The following TUBGCP3 variants were observed in gnomAD, a reference collection of about 807,000 sequenced individuals.
TUBGCP3 encodes tubulin gamma complex component 3.
TUBGCP3 carries 50 observed loss-of-function variants against 123.1 expected under a neutral mutation model. The observed-to-expected ratio is 0.41, with a 90% confidence interval of 0.32 to 0.51. The LOEUF (loss-of-function observed/expected upper bound fraction) is 0.51, where lower values mean the gene tolerates loss of function less well. Ranked by LOEUF, TUBGCP3 falls within the 20% of genes least tolerant of loss-of-function variation. TUBGCP3 has a pLI of 0.36. For synonymous variants in TUBGCP3, 405 were observed against 413.9 expected, an observed-to-expected ratio of 0.98 and a Z score of 0.26; for missense variants, 882 against 1,127.0, an observed-to-expected ratio of 0.78 and a Z score of 3.11.
chr13:112,516,545 G>A lies in TUBGCP3; in HGVS notation c.1981C>T (p.Leu661=). 1 of 1,614,142 alleles carries A rather than the reference G, an allele frequency of 6.2e-7. No individual in the cohort carries two copies. The highest frequency in any genetic ancestry group is 8.5e-7 in the Non-Finnish European group (1 of 1,180,012). Residue 661 remains leucine, a synonymous_variant, in exon 17 of 22, where the codon CTA becomes TTA. Coordinates refer to ENST00000261965, the MANE Select transcript of TUBGCP3 (RefSeq NM_006322.6). ...VFTRECMSHY[L]RVFNFLWRAK... ...CTCCAGAGGAAGTTAAATACTCTTA[G>A]GTAGTGGCTCATACATTCTCGAGTA... is the stretch of plus-strand genomic sequence containing the variant.
intron 20 of TUBGCP3, among the ~76,000 whole-genome samples, chr13:112,494,113 T>C (rs1201301147): frequency 3.4e-5 from 4 of 116,040 alleles, no homozygotes; most frequent in Admixed American, 8.4e-5. Flanking sequence ...CACTCTAGCT[T>C]TGGGAACAGG....
the TUBGCP3 span, among the ~76,000 whole-genome samples, chr13:112,597,852 C>T: frequency 1.3e-4 from 19 of 151,932 alleles, no homozygotes; most frequent in African/African-American, 2.9e-4. Flanking sequence ...AATTGGAATC[C>T]AGAAGGAGGG....
At chr13:112,594,959 A>T in the TUBGCP3 span, among the ~76,000 whole-genome samples, 8 of 152,226 alleles carry the variant, frequency 5.3e-5, no homozygotes, top group Non-Finnish European at 1.2e-4. Flanking sequence ...GGTTTGTTTG[A>T]TAGTCAGAAG....
intron 11 of TUBGCP3, among the ~76,000 whole-genome samples, chr13:112,530,403 A>T (rs185060171): frequency 6.6e-6 from 1 of 152,380 alleles, no homozygotes; most frequent in East Asian, 1.9e-4. Flanking sequence ...TCTGATGAAA[A>T]GTATAGTTCT....
intron 11 of TUBGCP3, among the ~76,000 whole-genome samples, chr13:112,534,269 G>C (rs546066952): frequency 4.6e-5 from 7 of 152,306 alleles, no homozygotes; most frequent in Admixed American, 2.0e-4. Flanking sequence ...TACTGCGGCC[G>C]GGCGCGGCGG....
chr13:112,519,988 A>C lies in TUBGCP3; in HGVS notation c.1779T>G (p.Tyr593Ter). 6.2e-7 allele frequency: 1 copy of C among 1,614,046 alleles called. No homozygotes were observed. Among genetic ancestry groups the C allele is most frequent in the Non-Finnish European group, 8.5e-7 (1 of 1,179,874 alleles). ...CTAGAATTCCAGTCAAGTTATGCTG[A>C]TACAAAGTCGTAGCTGGACGGACAA... ...PELVRPATTL[Y>*]QHNLTGILET... The change falls in exon 15 of 22, where the codon TAT becomes TAG. Residue 593 changes from tyrosine (Y) to a stop codon, truncating the protein, a stop_gained. Coordinates refer to ENST00000261965, the MANE Select transcript of TUBGCP3 (RefSeq NM_006322.6). LOFTEE classifies it high-confidence loss of function. The surrounding 1 kb of genome is among the most constrained non-coding windows in gnomAD (Gnocchi z 6.2).
intron 1 of TUBGCP3, among the ~76,000 whole-genome samples, chr13:112,583,442 G>A (rs1023462857): frequency 6.6e-6 from 1 of 152,206 alleles, no homozygotes; most frequent in Non-Finnish European, 1.5e-5. Flanking sequence ...GGAACTAGAG[G>A]AGATACAAAG....
At chr13:112,601,559 G>T in the TUBGCP3 span, among the ~76,000 whole-genome samples, 1 of 152,124 alleles carries the variant, frequency 6.6e-6, no homozygotes, top group Non-Finnish European at 1.5e-5. Flanking sequence ...CGCCCAGGTG[G>T]CCTGTGACAT....
At chr13:112,528,868 T>C (rs1198891332) in intron 11 of TUBGCP3, among the ~76,000 whole-genome samples, 1 of 152,182 alleles carries the variant, frequency 6.6e-6, no homozygotes, top group African/African-American at 2.4e-5. Flanking sequence ...TTTTTTCTTT[T>C]TGAGACAGGG....
intron 16 of TUBGCP3, among the ~76,000 whole-genome samples, chr13:112,517,549 G>A (rs544254765): frequency 5.9e-5 from 9 of 152,212 alleles, no homozygotes; most frequent in South Asian, 2.1e-4. Context: ...AAAATAATAC[G>A]TAATGTATGC....
chr13:112,559,324 T>G lies in TUBGCP3; in HGVS notation c.328A>C (p.Lys110Gln). 7 of 1,611,590 alleles carry G rather than the reference T, an allele frequency of 4.3e-6. No individual in the cohort carries two copies. The highest frequency in any genetic ancestry group is 5.9e-6 in the Non-Finnish European group (7 of 1,178,802). Residue 110 changes from lysine (K) to glutamine (Q), a missense_variant and splice_region_variant, in exon 4 of 22, where the codon AAG becomes CAG. Lys to Gln is a moderately conservative substitution (Grantham distance 53). This residue lies in a region of TUBGCP3 where 713 missense variants were observed against 874.0 expected (regional missense o/e 0.82). Transcript: ENST00000261965. ...LSEDPRRQPS[K>Q]VSSYATLFAQ... is the part of the protein sequence containing the mutation. ...GCTGCAAAGGCAAAGCCACTTACCT[T>G]GCTTGGCTGCCTGCGTGGGTCCTCA...
At chr13:112,515,782 G>A (rs1033427506) in intron 17 of TUBGCP3, among the ~76,000 whole-genome samples, 2 of 152,204 alleles carry the variant, frequency 1.3e-5, no homozygotes, top group Admixed American at 6.5e-5. Flanking sequence ...TTCGGCAGGG[G>A]TCACTATTCT....
chr13:112,533,045 G>A (rs1016422172), intron 11 of TUBGCP3, among the ~76,000 whole-genome samples: 3 of 152,184 alleles, frequency 2.0e-5, no homozygotes, highest in African/African-American at 4.8e-5. Context: ...TGGGCAGAGA[G>A]GCAGTGCAGT....
At chr13:112,548,320 T>G (rs866476010) in intron 8 of TUBGCP3, 144 bp from the exon 9 acceptor site, 1 of 476,418 alleles carries the variant, frequency 2.1e-6, no homozygotes, top group African/African-American at 1.9e-5. Flanking sequence ...AATCTTCTAA[T>G]CATCTTAATC....
intron 8 of TUBGCP3, among the ~76,000 whole-genome samples, chr13:112,551,650 G>A (rs938093280): frequency 1.3e-5 from 2 of 152,168 alleles, no homozygotes; most frequent in African/African-American, 2.4e-5. Context: ...CTACTAGTCA[G>A]GGCAACTTGG....
chr13:112,562,326 G>C (rs1880583392), intron 3 of TUBGCP3, among the ~76,000 whole-genome samples: 2 of 152,158 alleles, frequency 1.3e-5, no homozygotes, highest in Admixed American at 6.5e-5. Flanking sequence ...GGCCACTAGG[G>C]GAACACCACC....
In TUBGCP3 at chr13:112,545,631, A is replaced by G. The variant is rs1878924103; in HGVS notation, c.1335+68T>C. 5.1e-6 allele frequency: 8 copies of G among 1,566,840 alleles called. No homozygotes were observed. The highest frequency in any genetic ancestry group is 7.0e-6 in the Non-Finnish European group (8 of 1,141,688). On this transcript the variant is annotated intron_variant, in intron 11 of 21. Coordinates refer to ENST00000261965, the MANE Select transcript of TUBGCP3 (RefSeq NM_006322.6). This position sits in a 1 kb window ranked among gnomAD's most constrained non-coding sequence, Gnocchi z 4.1. ...GAACATGGTAATCATGAGGGGAAAA[A>G]TGAAACAGCATAACTGCGTGCCCAT...
At chr13:112,487,075 GTGTGTGTC>G (rs1338040124) in intron 21 of TUBGCP3, among the ~76,000 whole-genome samples, 1 of 147,990 alleles carries the variant, frequency 6.8e-6, no homozygotes, top group East Asian at 2.0e-4. Context: ...GTGTGTGTGT[GTGTGTGTC>G]TGTGTGTGTG....
chr13:112,557,977 G>C (rs538434495), intron 5 of TUBGCP3, among the ~76,000 whole-genome samples: 1 of 152,372 alleles, frequency 6.6e-6, no homozygotes, highest in Non-Finnish European at 1.5e-5. Context: ...GCTGGCCAGA[G>C]CTTGTGGATT....
Sources: allele counts gnomAD v4.1 joint callset (sites outside exome capture counted in the v4.1 genomes callset), GRCh38; gene constraint gnomAD v4.1.1; regional missense constraint gnomAD v4.1.1; non-coding constraint Gnocchi (gnomAD v3.1); transcripts MANE v1.5; gene names NCBI Gene and HGNC (gene_info 2026-07-23, HGNC 2026-07-21).